The following GALNT18 variants were observed in gnomAD, a reference collection of about 807,000 sequenced individuals.
GALNT18 encodes the protein polypeptide N-acetylgalactosaminyltransferase 18, also known as GalNAc-transferase 18.
Under a neutral mutation model 69.5 loss-of-function variants are expected in GALNT18, and 44 were observed. The ratio of observed to expected loss-of-function variants is 0.63; its 90% CI spans 0.50 to 0.81. GALNT18 has a LOEUF of 0.81. Among genes scored for constraint, GALNT18 ranks in the 40% least tolerant of loss-of-function variants. GALNT18 has a pLI of 0.00. For missense variants in GALNT18, 715 were observed against 810.0 expected (o/e 0.88, Z 1.42); for synonymous variants, 364 against 318.2 (o/e 1.14, Z -1.53).
chr11:11,273,834 T>TA (rs1239799796), intron 10 of GALNT18, among the ~76,000 whole-genome samples: 2 of 152,182 alleles, frequency 1.3e-5, no homozygotes, highest in African/African-American at 2.4e-5. Context: ...ATATGTGGTA[T>TA]ATACACAGGA....
At chr11:11,291,884 C>T (rs1383503806) in intron 10 of GALNT18, among the ~76,000 whole-genome samples, 1 of 152,200 alleles carries the variant, frequency 6.6e-6, no homozygotes, top group Non-Finnish European at 1.5e-5. Context: ...ACCCAGACCA[C>T]AGTCAAAGGT....
chr11:11,430,339 C>T lies in GALNT18; in HGVS notation c.595+2282G>A, dbSNP rs1257547370. Among the ~76,000 whole-genome samples, 2 of 152,206 alleles carry T rather than the reference C, an allele frequency of 1.3e-5. No individual in the cohort carries two copies. The highest frequency in any genetic ancestry group is 2.9e-5 in the Non-Finnish European group (2 of 68,040). ...CCAATGGTAACATTGTACACAACCA[C>T]AGCACAATATCAAAACCAGGCCACT... On this transcript the variant is annotated intron_variant, in intron 3 of 10. Coordinates refer to ENST00000227756, the MANE Select transcript of GALNT18 (RefSeq NM_198516.3). The surrounding 1 kb of genome is among the most constrained non-coding windows in gnomAD (Gnocchi z 4.9).
At chr11:11,333,854 G>A (rs1850062629) in intron 7 of GALNT18, among the ~76,000 whole-genome samples, 1 of 152,088 alleles carries the variant, frequency 6.6e-6, no homozygotes, top group Non-Finnish European at 1.5e-5. Context: ...ACCCGCTGTT[G>A]AATGGGGCAC....
At chr11:11,307,828 C>T (rs1228263262) in intron 9 of GALNT18, among the ~76,000 whole-genome samples, 1 of 152,218 alleles carries the variant, frequency 6.6e-6, no homozygotes, top group Non-Finnish European at 1.5e-5. Context: ...ACAGTGGAAA[C>T]TCCATACAGC....
chr11:11,557,245 A>G (rs974860671), intron 1 of GALNT18, among the ~76,000 whole-genome samples: 3 of 152,134 alleles, frequency 2.0e-5, no homozygotes, highest in Non-Finnish European at 4.4e-5. Context: ...GTTTTATGTT[A>G]TATTCATTTT....
intron 1 of GALNT18, among the ~76,000 whole-genome samples, chr11:11,559,424 A>T (rs1304463046): frequency 6.6e-6 from 1 of 152,200 alleles, no homozygotes; most frequent in Non-Finnish European, 1.5e-5. Flanking sequence ...TTCTAATAGC[A>T]GGGCTGAGTC....
At chr11:11,321,776 T>A (rs1207081624) in intron 9 of GALNT18, among the ~76,000 whole-genome samples, 1 of 152,240 alleles carries the variant, frequency 6.6e-6, no homozygotes, top group African/African-American at 2.4e-5. Flanking sequence ...CTAATTTTTT[T>A]ATATTTTTAG....
chr11:11,450,724 C>T (rs1458411116), intron 1 of GALNT18, among the ~76,000 whole-genome samples: 1 of 152,216 alleles, frequency 6.6e-6, no homozygotes, highest in Non-Finnish European at 1.5e-5. Context: ...GTGCTCACTC[C>T]TACCACGAGC....
intron 10 of GALNT18, among the ~76,000 whole-genome samples, chr11:11,279,672 TA>T (rs1424175667): frequency 6.6e-6 from 1 of 152,174 alleles, no homozygotes; most frequent in South Asian, 2.1e-4. Context: ...TCTATTTATA[TA>T]AACCTCCCAA....
chr11:11,578,570 T>C (rs941403763), intron 1 of GALNT18, among the ~76,000 whole-genome samples: 9 of 152,232 alleles, frequency 5.9e-5, no homozygotes, highest in Non-Finnish European at 1.2e-4. Context: ...CCAGGTTGAA[T>C]GTATTGCTTG....
chr11:11,559,266 G>A (rs1422721802), intron 1 of GALNT18, among the ~76,000 whole-genome samples: 1 of 152,150 alleles, frequency 6.6e-6, no homozygotes. Flanking sequence ...CCCCTCCACT[G>A]TCACATTCTC....
At chr11:11,353,106 A>G (rs774941515) in intron 6 of GALNT18, 1 of 1,614,074 alleles carries the variant, frequency 6.2e-7, no homozygotes, top group African/African-American at 1.3e-5. Context: ...CCTGCTTGGC[A>G]CGGGTCCCGA....
chr11:11,379,869 C>T (rs139435857), intron 3 of GALNT18, among the ~76,000 whole-genome samples: 31 of 152,350 alleles, frequency 2.0e-4, no homozygotes, highest in Admixed American at 4.6e-4. Context: ...GCATTTGATG[C>T]CTCTGCTTCT....
intron 2 of GALNT18, among the ~76,000 whole-genome samples, chr11:11,445,093 T>C (rs1422001494): frequency 6.6e-6 from 1 of 152,218 alleles, no homozygotes; most frequent in Non-Finnish European, 1.5e-5. Context: ...CCAAAACTGA[T>C]CAGCAAATGC....
intron 1 of GALNT18, among the ~76,000 whole-genome samples, chr11:11,490,678 T>C (rs1196738878): frequency 1.3e-5 from 2 of 152,152 alleles, no homozygotes; most frequent in African/African-American, 4.8e-5. Context: ...AAGTCTTCCA[T>C]GGAACCATCT....
At chr11:11,530,181 C>A (rs1285629856) in intron 1 of GALNT18, among the ~76,000 whole-genome samples, 1 of 151,162 alleles carries the variant, frequency 6.6e-6, no homozygotes, top group South Asian at 2.1e-4. Flanking sequence ...AAGGCTGGAG[C>A]GAGCAAATTC....
intron 10 of GALNT18, among the ~76,000 whole-genome samples, chr11:11,277,228 G>A (rs976569524): frequency 6.6e-6 from 1 of 152,086 alleles, no homozygotes; most frequent in African/African-American, 2.4e-5. Context: ...CTTCTTCCTG[G>A]CTTAGTCTTG....
chr11:11,319,474 A>G (rs1364796834), intron 9 of GALNT18, among the ~76,000 whole-genome samples: 4 of 152,244 alleles, frequency 2.6e-5, no homozygotes. Context: ...TTCATAAAAA[A>G]GGAGCAATTT....
intron 10 of GALNT18, among the ~76,000 whole-genome samples, chr11:11,276,667 T>G (rs1446817482): frequency 1.3e-5 from 2 of 152,218 alleles, no homozygotes; most frequent in African/African-American, 4.8e-5. Flanking sequence ...TAGCTCTTAT[T>G]ATTTTGAGAT....
Sources: gnomAD v4.1 joint callset for allele counts (sites outside exome capture counted in the v4.1 genomes callset) on GRCh38, gnomAD v4.1.1 for gene constraint, Gnocchi (gnomAD v3.1) non-coding constraint, MANE v1.5 for transcripts, NCBI Gene and HGNC (gene_info 2026-07-23, HGNC 2026-07-21) for gene names.